MPHOSPH9: variants seen among roughly 807,000 people sequenced by gnomAD.
MPHOSPH9 encodes the protein M-phase phosphoprotein 9.
In MPHOSPH9, 88 loss-of-function variants were observed where a neutral mutation model predicts 145.5. The observed-to-expected ratio is 0.60, with a 90% CI of 0.51 to 0.72. The LOEUF (loss-of-function observed/expected upper bound fraction) is 0.72. Among genes scored for constraint, MPHOSPH9 ranks in the 30% least tolerant of loss-of-function variants. The probability of loss-of-function intolerance (pLI) is 0.00; values close to 1 mark genes in which losing one functional copy is unlikely to be tolerated. For missense variants in MPHOSPH9, 1,238 were observed against 1,386.6 expected (o/e 0.89, Z 1.70); for synonymous variants, 435 against 486.2 (o/e 0.89, Z 1.39).
At chr12:123,182,631 G>T (rs974070057) in intron 13 of MPHOSPH9, among the ~76,000 whole-genome samples, 4 of 151,856 alleles carry the variant, frequency 2.6e-5, no homozygotes, top group Non-Finnish European at 4.4e-5. Context: ...TATATGTGAG[G>T]CTGGGCATGG....
chr12:123,164,866 G>A lies in MPHOSPH9; in HGVS notation c.2767+436C>T, dbSNP rs552822951. Among the ~76,000 whole-genome samples, 7 of 151,952 alleles carry A rather than the reference G, an allele frequency of 4.6e-5. No homozygotes were observed. The South Asian group carries it at 1.0e-3, about 22-fold the overall frequency. ...TCTGTTAAAAATATTAAAATTAGCCGGGGGTGCTGGAGGGCACCTGTAATT... is the reference window on the plus strand; with the variant it reads ...TCTGTTAAAAATATTAAAATTAGCCAGGGGTGCTGGAGGGCACCTGTAATT... On this transcript the variant is annotated intron_variant, in intron 18 of 23. Transcript: ENST00000606320.
intron 17 of MPHOSPH9, 74 bp downstream of exon 17, chr12:123,166,581 A>C: frequency 1.3e-6 from 2 of 1,548,780 alleles, no homozygotes; most frequent in Non-Finnish European, 8.8e-7. Context: ...GGGCTTCCCA[A>C]ACTTTTAAAA....
In MPHOSPH9 at chr12:123,159,872, T is replaced by A. The variant is rs1050534886; in HGVS notation, c.3450+909A>T. 2.6e-5 allele frequency: 4 copies of A among 151,304 alleles called. No homozygotes were observed. Among genetic ancestry groups the A allele is most frequent in the Non-Finnish European group, 5.9e-5 (4 of 67,830 alleles). The allele number at this position is 151,304 out of a possible 1,614,324, so 9.4% of individuals were successfully genotyped here. On this transcript the variant is annotated intron_variant, in intron 23 of 23. Coordinates refer to ENST00000606320, the MANE Select transcript of MPHOSPH9 (RefSeq NM_022782.4). This position sits in a 1 kb window ranked among gnomAD's most constrained non-coding sequence, Gnocchi z 4.3. ...TGAAAAGTTCAATTGAAAGTTTATT[T>A]TTTTTTTTTTTTAAGACTGAGTCTT...
At chr12:123,171,524 G>A (rs1196835141) in intron 16 of MPHOSPH9, among the ~76,000 whole-genome samples, 5 of 151,840 alleles carry the variant, frequency 3.3e-5, no homozygotes, top group Non-Finnish European at 5.9e-5. Context: ...TGAGGTGGGC[G>A]GATCACTTGA....
intron 21 of MPHOSPH9, 134 bp downstream of exon 21, chr12:123,161,981 G>C: frequency 2.0e-6 from 1 of 495,024 alleles, no homozygotes; most frequent in East Asian, 3.2e-5. Context: ...CATCATGAGT[G>C]CTTAGTTTCA....
At chr12:123,178,293 A>C (rs1195823043) in intron 15 of MPHOSPH9, among the ~76,000 whole-genome samples, 1 of 152,218 alleles carries the variant, frequency 6.6e-6, no homozygotes, top group African/African-American at 2.4e-5. Context: ...TTTGAGAAAT[A>C]ATAGCCCTAA....
At chr12:123,160,683 A>G in intron 23 of MPHOSPH9, 98 bp downstream of exon 23, 1 of 1,132,086 alleles carries the variant, frequency 8.8e-7, no homozygotes, top group Admixed American at 2.2e-5. Flanking sequence ...CAGTGTGTCT[A>G]ATTTTCACTG....
chr12:123,237,938 C>T (rs2047876872), upstream of MPHOSPH9, among the ~76,000 whole-genome samples: 1 of 151,984 alleles, frequency 6.6e-6, no homozygotes, highest in Non-Finnish European at 1.5e-5. Context: ...CTCTGTCACC[C>T]AGGGTGGAGT....
intron 7 of MPHOSPH9, 36 bp from the exon 8 acceptor site, chr12:123,210,198 A>G (rs774700554): frequency 7.9e-7 from 1 of 1,259,414 alleles, no homozygotes; most frequent in East Asian, 2.6e-5. Flanking sequence ...GAAAAGAGTG[A>G]GAAAAAAACA....
chr12:123,174,140 A>G (rs975961890), intron 16 of MPHOSPH9, among the ~76,000 whole-genome samples: 2 of 152,068 alleles, frequency 1.3e-5, no homozygotes, highest in African/African-American at 2.4e-5. Context: ...TTCTGAGTCT[A>G]TTTTTGTTGT....
chr12:123,186,286 G>A (rs2045443785), intron 13 of MPHOSPH9, among the ~76,000 whole-genome samples: 1 of 149,496 alleles, frequency 6.7e-6, no homozygotes, highest in African/African-American at 2.5e-5. Context: ...GTTCTTCAGA[G>A]ATACCTATTG....
At chr12:123,224,645 G>T (rs2047363886) in intron 3 of MPHOSPH9, among the ~76,000 whole-genome samples, 1 of 152,160 alleles carries the variant, frequency 6.6e-6, no homozygotes, top group African/African-American at 2.4e-5. Context: ...AAAGCTGGGG[G>T]GACATCACTG....
At chr12:123,224,254 C>A (rs2047346006) in intron 3 of MPHOSPH9, among the ~76,000 whole-genome samples, 1 of 151,522 alleles carries the variant, frequency 6.6e-6, no homozygotes, top group Non-Finnish European at 1.5e-5. Flanking sequence ...CCTGCCTCAG[C>A]CCCCAAGTAG....
chr12:123,176,289 T>A (rs1039892491), intron 16 of MPHOSPH9, among the ~76,000 whole-genome samples: 3 of 152,194 alleles, frequency 2.0e-5, no homozygotes, highest in African/African-American at 7.2e-5. Context: ...TACAACCTAA[T>A]GAAGATCCAT....
chr12:123,182,795 T>A (rs1382246931), intron 13 of MPHOSPH9, among the ~76,000 whole-genome samples: 3 of 151,400 alleles, frequency 2.0e-5, no homozygotes, highest in East Asian at 4.0e-4. Context: ...GTGCCTGTAA[T>A]CCTGCCTACT....
chr12:123,218,600 A>T (rs1258601895), intron 5 of MPHOSPH9, 101 bp from the exon 6 acceptor site: 2 of 1,097,726 alleles, frequency 1.8e-6, no homozygotes, highest in Non-Finnish European at 2.6e-6. Context: ...ATCTCAGTTC[A>T]CTGCAACCTC....
At position 123,203,056 on chromosome 12, in the gene MPHOSPH9, A is replaced by G. The variant is rs1343027965; in HGVS notation, c.1349T>C (p.Met450Thr). Residue 450 changes from methionine to threonine, a missense_variant, in exon 10 of 24, where the codon ATG becomes ACG. Physicochemically the swap from Met to Thr is moderately conservative, Grantham distance 81. Transcript: ENST00000606320. ...CCCTGAAATCTGCTGCTTTGGCTTCATGTGTAACGTAGGATCTAGAGTCAG... is the reference window on the plus strand; with the variant it reads ...CCCTGAAATCTGCTGCTTTGGCTTCGTGTGTAACGTAGGATCTAGAGTCAG... ...EVLTLDPTLH[M>T]KPKQQISGIQ... 6.2e-7 allele frequency: 1 copy of G among 1,613,884 alleles called. No individual in the cohort carries two copies. Among genetic ancestry groups the G allele is most frequent in the African/African-American group, 1.3e-5 (1 of 74,938 alleles).
chr12:123,202,715 A>G lies in MPHOSPH9; in HGVS notation c.1690T>C (p.Ser564Pro), dbSNP rs557169308. Reference sequence around the variant, plus strand: ...CCTGGAAGCTGGGACTGACTGACTGAGGCCGAAGCAACCATGACAGTGTTT... The same window carrying G: ...CCTGGAAGCTGGGACTGACTGACTGGGGCCGAAGCAACCATGACAGTGTTT... Reference protein sequence around the residue: ...EENTVMVASASVSQSQLPGTA... With the variant: ...EENTVMVASAPVSQSQLPGTA... The change falls in exon 10 of 24, where the codon TCA becomes CCA. Residue 564 changes from serine to proline, a missense_variant. By Grantham distance (74) the Ser-to-Pro change is moderately conservative. Around this residue, in one of 3 missense-constraint regions of MPHOSPH9, gnomAD observed 837 missense variants for 897.5 expected, o/e 0.93. Coordinates refer to ENST00000606320, the MANE Select transcript of MPHOSPH9 (RefSeq NM_022782.4). The G allele has an allele frequency of 3.1e-6, 5 of 1,614,096 alleles. No homozygotes were observed. Among genetic ancestry groups the G allele is most frequent in the Non-Finnish European group, 4.2e-6 (5 of 1,180,046 alleles).
chr12:123,164,047 A>C lies in MPHOSPH9; in HGVS notation c.2811T>G (p.Ser937=), dbSNP rs755041000. The C allele has an allele frequency of 5.0e-6, 8 of 1,614,066 alleles. No individual in the cohort carries two copies. Among genetic ancestry groups the C allele is most frequent in the Non-Finnish European group, 5.9e-6 (7 of 1,180,038 alleles). Residue 937 remains serine, a synonymous_variant, in exon 19 of 24, where the codon TCT becomes TCG. Transcript: ENST00000606320. ...GTCTCTGTTGGGCACACTTTTCTGG[A>C]GAACGACTTGCATTAACTGAAGTTT... The part of the protein sequence containing the change: ...QTETSVNASR[S]PEKCAQQRQK...
Sources: allele counts gnomAD v4.1 joint callset (sites outside exome capture counted in the v4.1 genomes callset), GRCh38; gene constraint gnomAD v4.1.1; regional missense constraint gnomAD v4.1.1; non-coding constraint Gnocchi (gnomAD v3.1); transcripts MANE v1.5; gene names NCBI Gene and HGNC (gene_info 2026-07-23, HGNC 2026-07-21).